SFSWAP: variants seen among roughly 807,000 people sequenced by gnomAD.
The protein encoded by SFSWAP is splicing factor, suppressor of white-apricot homolog.
SFSWAP carries 17 observed loss-of-function variants against 100.7 expected under a neutral mutation model. The observed-to-expected ratio is 0.17, with a 90% CI of 0.12 to 0.25. The LOEUF (loss-of-function observed/expected upper bound fraction) is 0.25. SFSWAP is among the 10% of genes least tolerant of loss of function. The probability of loss-of-function intolerance (pLI) is 1.00; values close to 1 mark genes in which losing one functional copy is unlikely to be tolerated. For synonymous variants in SFSWAP, 504 were observed against 510.1 expected (o/e 0.99, Z 0.16); for missense variants, 1,005 against 1,262.6 (o/e 0.80, Z 3.09).
chr12:131,744,352 G>A (rs1880925650), intron 7 of SFSWAP, among the ~76,000 whole-genome samples: 1 of 152,218 alleles, frequency 6.6e-6, no homozygotes, highest in Admixed American at 6.5e-5. Context: ...TTGCTGCTTA[G>A]AAATTTCTTT....
chr12:131,764,174 A>G (rs1032617915), intron 11 of SFSWAP, among the ~76,000 whole-genome samples: 18 of 152,246 alleles, frequency 1.2e-4, no homozygotes, highest in African/African-American at 4.3e-4. Context: ...TTAAAATTGC[A>G]GGTGACTGCC....
In SFSWAP at chr12:131,759,801, C is replaced by CA. The variant is rs1217940125; in HGVS notation, c.1720+3171dup. ...TGGGTGACAGAGCGAGACTCCGTCT[C>CA]AAAAAAAAAAAAAAGAAAAAAGAAA... is the stretch of plus-strand genomic sequence containing the variant. On this transcript the variant is annotated intron_variant, in intron 11 of 17. Coordinates refer to ENST00000261674, the MANE Select transcript of SFSWAP (RefSeq NM_004592.4). Among the ~76,000 whole-genome samples, 224 of 86,530 alleles carry CA rather than the reference C, an allele frequency of 2.6e-3. 1 individual carries two copies. In the Middle Eastern group the frequency reaches 0.027, roughly 11 times the overall value. The allele number at this position is 86,530 out of a possible 152,430, so 56.8% of individuals were successfully genotyped here.
chr12:131,785,385 C>A, intron 14 of SFSWAP: 1 of 582,792 alleles, frequency 1.7e-6, no homozygotes, highest in South Asian at 2.7e-5. Context: ...GAAGCACAGC[C>A]TGTGGCATTT....
chr12:131,728,046 C>A (rs1879148962), intron 6 of SFSWAP, among the ~76,000 whole-genome samples: 3 of 152,170 alleles, frequency 2.0e-5, no homozygotes. Context: ...TCAAACTAGT[C>A]TTAGTTGTTC....
At chr12:131,792,495 C>T (rs1335041177) in intron 15 of SFSWAP, among the ~76,000 whole-genome samples, 2 of 124,322 alleles carry the variant, frequency 1.6e-5, no homozygotes, top group East Asian at 5.1e-4. Flanking sequence ...TGTTCACAGA[C>T]CAGTACTGTG....
intron 13 of SFSWAP, among the ~76,000 whole-genome samples, chr12:131,771,016 C>T (rs1883548552): frequency 1.3e-5 from 2 of 152,160 alleles, no homozygotes; most frequent in South Asian, 4.1e-4. Flanking sequence ...GCATTGGACC[C>T]CCTTCCTTTT....
At chr12:131,753,439 TG>T (rs1266986652) in intron 8 of SFSWAP, 76 bp downstream of exon 8, 2 of 1,503,482 alleles carry the variant, frequency 1.3e-6, no homozygotes, top group Non-Finnish European at 1.8e-6. Flanking sequence ...TGTGTCTCCA[TG>T]GGGGGCTTGT....
chr12:131,767,698 ATCTC>A (rs1243612656), intron 13 of SFSWAP, among the ~76,000 whole-genome samples: 1 of 152,180 alleles, frequency 6.6e-6, no homozygotes, highest in Non-Finnish European at 1.5e-5. Flanking sequence ...TCTCAACCTA[ATCTC>A]TCTCTTTAAA....
chr12:131,723,854 T>G (rs980107054), intron 4 of SFSWAP, among the ~76,000 whole-genome samples: 11 of 152,390 alleles, frequency 7.2e-5, no homozygotes, highest in African/African-American at 2.6e-4. Flanking sequence ...GTCGGCTTCC[T>G]TAAACAAAAG....
At chr12:131,721,264 G>A (rs1235424048) in intron 4 of SFSWAP, among the ~76,000 whole-genome samples, 2 of 152,166 alleles carry the variant, frequency 1.3e-5, no homozygotes, top group Admixed American at 6.5e-5. Flanking sequence ...AGATTTGGCT[G>A]GGGACACAGA....
intron 7 of SFSWAP, among the ~76,000 whole-genome samples, chr12:131,738,939 G>A (rs1292458494): frequency 1.6e-5 from 2 of 123,870 alleles, no homozygotes; most frequent in Admixed American, 1.1e-4. Flanking sequence ...TGTCACCTAG[G>A]CTGGAGTCCA....
chr12:131,785,077 A>G (rs1050382339), intron 14 of SFSWAP: 16 of 1,534,244 alleles, frequency 1.0e-5, no homozygotes, highest in Non-Finnish European at 1.4e-5. Flanking sequence ...TCACAGAGTC[A>G]CAGCCTCCCC....
In SFSWAP at chr12:131,778,400, A is replaced by T. The variant is rs1383618634; in HGVS notation, c.2408+70A>T. 7 of 1,558,336 alleles carry T rather than the reference A, an allele frequency of 4.5e-6. No individual in the cohort carries two copies. In the Admixed American group the frequency reaches 8.2e-5, roughly 18 times the overall value. ...ATGTCCTTCACAGGACACCCAGTAGAGCTAGGTAGAACGTTTAAAATCAGT... is the reference window on the plus strand; with the variant it reads ...ATGTCCTTCACAGGACACCCAGTAGTGCTAGGTAGAACGTTTAAAATCAGT... On this transcript the variant is annotated intron_variant, in intron 14 of 17. Transcript: ENST00000261674. The surrounding 1 kb of genome is among the most constrained non-coding windows in gnomAD (Gnocchi z 4.2).
chr12:131,793,281 G>T (rs1002562980), intron 15 of SFSWAP, among the ~76,000 whole-genome samples: 1 of 151,824 alleles, frequency 6.6e-6, no homozygotes, highest in Admixed American at 6.6e-5. Context: ...ACAGGGTCTC[G>T]CTATGTTGCC....
intron 9 of SFSWAP, among the ~76,000 whole-genome samples, 196 bp downstream of exon 9, chr12:131,754,695 G>A (rs945913972): frequency 1.9e-4 from 27 of 141,548 alleles, no homozygotes; most frequent in African/African-American, 2.7e-4. Flanking sequence ...GTGCAGTGGC[G>A]CGATCTTGAT....
At chr12:131,735,731 A>G (rs543531078) in intron 7 of SFSWAP, among the ~76,000 whole-genome samples, 1 of 152,254 alleles carries the variant, frequency 6.6e-6, no homozygotes, top group Admixed American at 6.5e-5. Flanking sequence ...TCCAGTCTGG[A>G]TTTCTGTAAA....
rs952287213 is a variant in SFSWAP, at chr12:131,733,858, C to G, written c.1081+5430C>G. ...GCCTGGGTCCTGGCACCTGCCCCTC[C>G]ACTCCCCATGCAGCTTCATCCTCCA... On this transcript the variant is annotated intron_variant, in intron 7 of 17. Transcript: ENST00000261674. The surrounding 1 kb of genome is among the most constrained non-coding windows in gnomAD (Gnocchi z 5.1). 6.6e-6 allele frequency among the ~76,000 whole-genome samples: 1 copy of G among 152,122 alleles called. No homozygotes were observed. The highest frequency in any genetic ancestry group is 2.4e-5 in the African/African-American group (1 of 41,422).
intron 11 of SFSWAP, among the ~76,000 whole-genome samples, chr12:131,762,013 A>G (rs569185249): frequency 2.0e-4 from 31 of 152,286 alleles, no homozygotes; most frequent in African/African-American, 7.5e-4. Context: ...AAGGTGGATC[A>G]CCTGAGGTCA....
intron 7 of SFSWAP, among the ~76,000 whole-genome samples, chr12:131,743,194 A>G (rs1243692063): frequency 6.6e-6 from 1 of 152,162 alleles, no homozygotes; most frequent in Non-Finnish European, 1.5e-5. Flanking sequence ...TCACATCCTC[A>G]CATTTCAAAA....
Sources: gnomAD v4.1 joint callset for allele counts (sites outside exome capture counted in the v4.1 genomes callset) on GRCh38, gnomAD v4.1.1 for gene constraint, Gnocchi (gnomAD v3.1) non-coding constraint, MANE v1.5 for transcripts, NCBI Gene and HGNC (gene_info 2026-07-23, HGNC 2026-07-21) for gene names.